The following ANGPT1 variants were observed in gnomAD, a reference collection of about 807,000 sequenced individuals.
ANGPT1 encodes angiopoietin-1.
In ANGPT1, 17 loss-of-function variants were observed where a neutral mutation model predicts 62.2. That is an observed-to-expected ratio of 0.27 (90% CI 0.19 to 0.41). ANGPT1 has a LOEUF of 0.41. Among genes scored for constraint, ANGPT1 ranks in the 10% least tolerant of loss-of-function variants. The probability of loss-of-function intolerance (pLI) is 1.00; values close to 1 mark genes in which losing one functional copy is unlikely to be tolerated. For missense variants in ANGPT1, 478 were observed against 594.9 expected, an observed-to-expected ratio of 0.80 and a Z score of 2.04; for synonymous variants, 199 against 198.9, an observed-to-expected ratio of 1.00 and a Z score of 0.00.
At chr8:107,390,878 G>T (rs1227355678) in intron 1 of ANGPT1, among the ~76,000 whole-genome samples, 1 of 152,014 alleles carries the variant, frequency 6.6e-6, no homozygotes, top group Non-Finnish European at 1.5e-5. Flanking sequence ...AGGAAGTCTG[G>T]CTTCAGAATC....
chr8:107,284,664 C>T lies in ANGPT1; in HGVS notation c.1205+18G>A. The stretch of plus-strand genomic sequence containing the variant: ...CTAGGTAAAAGGTAGTCGAACACTA[C>T]ACTGTAGCATGACTTACCTATAGTT... On this transcript the variant is annotated intron_variant, in intron 7 of 8. Coordinates refer to ENST00000517746, the MANE Select transcript of ANGPT1 (RefSeq NM_001146.5). The T allele has an allele frequency of 6.5e-7, 1 of 1,541,266 alleles. No homozygotes were observed. The highest frequency in any genetic ancestry group is 8.8e-7 in the Non-Finnish European group (1 of 1,136,776).
intron 1 of ANGPT1, among the ~76,000 whole-genome samples, chr8:107,451,575 A>C (rs1232640577): frequency 6.6e-6 from 1 of 151,982 alleles, no homozygotes; most frequent in Non-Finnish European, 1.5e-5. Context: ...ACATTTTCTC[A>C]AAGTGACTAA....
intron 1 of ANGPT1, among the ~76,000 whole-genome samples, chr8:107,495,942 A>G (rs145806443): frequency 1.3e-5 from 2 of 152,302 alleles, no homozygotes; most frequent in African/African-American, 4.8e-5. Flanking sequence ...CTGTAGAACT[A>G]CTAAGTTCCA....
intron 8 of ANGPT1, among the ~76,000 whole-genome samples, chr8:107,256,799 C>T (rs115376023): frequency 0.017 from 2,588 of 152,032 alleles, 34 homozygotes; most frequent in African/African-American, 0.024. Flanking sequence ...GCTATTGGGA[C>T]AACTGATAAA....
chr8:107,404,268 T>C (rs1369767669), intron 1 of ANGPT1, among the ~76,000 whole-genome samples: 1 of 152,146 alleles, frequency 6.6e-6, no homozygotes, highest in Non-Finnish European at 1.5e-5. Context: ...ATTCTAATTC[T>C]ATGGTATACA....
At chr8:107,376,253 G>A (rs2130258729) in intron 1 of ANGPT1, among the ~76,000 whole-genome samples, 1 of 152,256 alleles carries the variant, frequency 6.6e-6, no homozygotes, top group Non-Finnish European at 1.5e-5. Flanking sequence ...CATAACTCTT[G>A]CCACAAGTTG....
intron 3 of ANGPT1, among the ~76,000 whole-genome samples, chr8:107,331,978 G>T (rs1815432726): frequency 6.6e-6 from 1 of 152,098 alleles, no homozygotes; most frequent in African/African-American, 2.4e-5. Flanking sequence ...CTTCCGCCTT[G>T]CAAAAAGTTG....
At chr8:107,470,586 G>A (rs1812328282) in intron 1 of ANGPT1, among the ~76,000 whole-genome samples, 1 of 152,044 alleles carries the variant, frequency 6.6e-6, no homozygotes, top group Non-Finnish European at 1.5e-5. Flanking sequence ...TAGGTTGCCT[G>A]TTCACTCTGA....
chr8:107,357,514 C>A (rs937992955), intron 1 of ANGPT1, among the ~76,000 whole-genome samples: 10 of 152,080 alleles, frequency 6.6e-5, no homozygotes, highest in African/African-American at 1.9e-4. Flanking sequence ...AACTACAGAC[C>A]ACCCCAGCAG....
chr8:107,299,999 A>G (rs1284034428), intron 5 of ANGPT1, among the ~76,000 whole-genome samples: 1 of 135,204 alleles, frequency 7.4e-6, no homozygotes, highest in Non-Finnish European at 1.6e-5. Context: ...AGATATAACT[A>G]TATATCTAGA....
chr8:107,342,345 T>C (rs1815712515), intron 2 of ANGPT1, among the ~76,000 whole-genome samples: 1 of 152,180 alleles, frequency 6.6e-6, no homozygotes, highest in Non-Finnish European at 1.5e-5. Context: ...CTAAATCCTG[T>C]CGATAGAGCA....
intron 7 of ANGPT1, among the ~76,000 whole-genome samples, chr8:107,277,690 G>A (rs900339779): frequency 3.9e-5 from 6 of 152,158 alleles, no homozygotes; most frequent in African/African-American, 1.4e-4. Flanking sequence ...GATAGAATGG[G>A]AAATAGACAA....
chr8:107,432,768 A>G (rs1811227421), intron 1 of ANGPT1, among the ~76,000 whole-genome samples: 1 of 152,180 alleles, frequency 6.6e-6, no homozygotes, highest in Non-Finnish European at 1.5e-5. Context: ...TGTTAATAAC[A>G]AGGATTTATT....
At chr8:107,456,009 G>A (rs28451212) in intron 1 of ANGPT1, among the ~76,000 whole-genome samples, 5,839 of 152,106 alleles carry the variant, frequency 0.038, 349 homozygotes, top group African/African-American at 0.13. Context: ...CATGTGAAAT[G>A]TACCTCGGAG....
chr8:107,433,700 A>T (rs928302035), intron 1 of ANGPT1, among the ~76,000 whole-genome samples: 8 of 152,202 alleles, frequency 5.3e-5, no homozygotes, highest in African/African-American at 1.9e-4. Flanking sequence ...CAAACATTTC[A>T]TTCTGTTCAT....
intron 4 of ANGPT1, among the ~76,000 whole-genome samples, chr8:107,311,176 T>G (rs1005493929): frequency 6.7e-6 from 1 of 148,872 alleles, no homozygotes; most frequent in Admixed American, 6.6e-5. Flanking sequence ...TGTATGTGTG[T>G]GAGGAAAAGA....
chr8:107,478,008 G>A (rs987445568), intron 1 of ANGPT1, among the ~76,000 whole-genome samples: 21 of 149,512 alleles, frequency 1.4e-4, no homozygotes, highest in Admixed American at 4.0e-4. Context: ...AAGCTGCTTC[G>A]GTAGTAAAAA....
intron 1 of ANGPT1, among the ~76,000 whole-genome samples, chr8:107,451,088 T>C (rs926480813): frequency 9.2e-5 from 14 of 151,876 alleles, no homozygotes; most frequent in African/African-American, 2.7e-4. Context: ...ATACCTTTAA[T>C]CACGGCCAGA....
At chr8:107,371,600 A>G (rs1180658130) in intron 1 of ANGPT1, among the ~76,000 whole-genome samples, 1 of 121,676 alleles carries the variant, frequency 8.2e-6, no homozygotes, top group African/African-American at 3.1e-5. Context: ...TTTTTTGGAC[A>G]GAGTCTAGTC....
Sources: allele counts gnomAD v4.1 joint callset (sites outside exome capture counted in the v4.1 genomes callset), GRCh38; gene constraint gnomAD v4.1.1; transcripts MANE v1.5; gene names NCBI Gene and HGNC (gene_info 2026-07-23, HGNC 2026-07-21).